BZW2: variants seen among roughly 807,000 people sequenced by gnomAD.
BZW2 encodes basic leucine zipper and W2 domains 2, also known as eIF5-mimic protein 1.
A neutral mutation model predicts 53.2 loss-of-function variants in BZW2; 23 were observed. The observed-to-expected ratio is 0.43, with a 90% CI of 0.31 to 0.61. BZW2 has a LOEUF of 0.61. Among genes scored for constraint, BZW2 ranks in the 20% least tolerant of loss-of-function variants. BZW2 has a pLI of 0.09. For synonymous variants in BZW2, 227 were observed against 186.4 expected, an observed-to-expected ratio of 1.22 and a Z score of -1.77; for missense variants, 409 against 503.1, an observed-to-expected ratio of 0.81 and a Z score of 1.79.
chr7:16,696,777 G>A, intron 8 of BZW2, 138 bp from the exon 9 acceptor site: 1 of 843,910 alleles, frequency 1.2e-6, no homozygotes, highest in East Asian at 2.5e-5. Context: ...TCCAGTCTGA[G>A]AATGCAGACA....
At position 16,674,574 on chromosome 7, in the gene BZW2, C is replaced by T; in HGVS notation, c.221C>T (p.Ala74Val). The change falls in exon 3 of 12, where the codon GCT becomes GTT. Residue 74 changes from alanine (A) to valine (V), a missense_variant. Physicochemically the swap from Ala to Val is moderately conservative, Grantham distance 64 (BLOSUM62 0). Coordinates refer to ENST00000258761, the MANE Select transcript of BZW2 (RefSeq NM_014038.3). The stretch of plus-strand genomic sequence containing the variant: ...GACACACTCTTCGATATCCTGGTGG[C>T]TGGCAGTATGCTTGGTAAACCATGC... ...YADTLFDILV[A>V]GSMLAPGGTR... 6.2e-7 allele frequency: 1 copy of T among 1,601,396 alleles called. No homozygotes were observed. The highest frequency in any genetic ancestry group is 1.1e-5 in the South Asian group (1 of 88,618).
intron 2 of BZW2, 127 bp from the exon 3 acceptor site, chr7:16,674,285 C>T: frequency 1.6e-6 from 1 of 626,602 alleles, no homozygotes; most frequent in Non-Finnish European, 2.6e-6. Flanking sequence ...TATTCTCGTA[C>T]ATTCTTTGGC....
intron 2 of BZW2, among the ~76,000 whole-genome samples, chr7:16,673,285 A>G (rs1311752367): frequency 6.6e-6 from 1 of 152,146 alleles, no homozygotes; most frequent in South Asian, 2.1e-4. Flanking sequence ...GCTACATAAT[A>G]TCTATATCCC....
At chr7:16,697,126 T>C in intron 9 of BZW2, 65 bp downstream of exon 9, 1 of 1,549,206 alleles carries the variant, frequency 6.5e-7, no homozygotes, top group East Asian at 2.3e-5. Context: ...TGTTTGTTTG[T>C]TTGTTTGTTT....
At chr7:16,656,097 A>G (rs1423885865) in intron 1 of BZW2, among the ~76,000 whole-genome samples, 1 of 150,000 alleles carries the variant, frequency 6.7e-6, no homozygotes, top group Non-Finnish European at 1.5e-5. Flanking sequence ...GTGTGTGTGT[A>G]TGTATATATA....
rs546657936 is a variant in BZW2 at position 16,660,333 on chromosome 7, G to A, written c.-7-5104G>A. Among the ~76,000 whole-genome samples the A allele has an allele frequency of 2.0e-5, 3 of 151,284 alleles. No homozygotes were observed. In the South Asian group the frequency reaches 6.3e-4, roughly 32 times the overall value. ...GAGGATCTTTTGAGCCCACGTGGTC[G>A]GGGCTGCAGTGAGCAGATATCACAC... On this transcript the variant is annotated intron_variant, in intron 1 of 11. Coordinates refer to ENST00000258761, the MANE Select transcript of BZW2 (RefSeq NM_014038.3).
intron 5 of BZW2, among the ~76,000 whole-genome samples, chr7:16,683,408 G>A (rs140053016): frequency 5.7e-4 from 87 of 152,312 alleles, no homozygotes; most frequent in Admixed American, 2.2e-3. Flanking sequence ...GCTTTGTTCA[G>A]TAAGAATAGT....
At chr7:16,654,006 G>C (rs1234761883) in intron 1 of BZW2, among the ~76,000 whole-genome samples, 1 of 144,626 alleles carries the variant, frequency 6.9e-6, no homozygotes, top group East Asian at 2.0e-4. Context: ...CATCGCTTTG[G>C]GTGGCCAAGG....
intron 7 of BZW2, among the ~76,000 whole-genome samples, chr7:16,691,514 C>T (rs1347467317): frequency 1.3e-5 from 2 of 152,174 alleles, no homozygotes; most frequent in Non-Finnish European, 2.9e-5. Flanking sequence ...CCATCTGGGC[C>T]ATTCTGTCTT....
chr7:16,666,419 T>TTATTTATC (rs745428931), intron 2 of BZW2, among the ~76,000 whole-genome samples: 4 of 151,022 alleles, frequency 2.6e-5, no homozygotes, highest in South Asian at 2.1e-4. Context: ...ATTTATTTAT[T>TTATTTATC]TAGAGACGGA....
intron 1 of BZW2, among the ~76,000 whole-genome samples, chr7:16,654,634 A>C (rs1782075640): frequency 6.6e-6 from 1 of 151,298 alleles, no homozygotes; most frequent in African/African-American, 2.4e-5. Flanking sequence ...TCCAGGGTTC[A>C]AGTGATTCTC....
rs376412401 is a variant in BZW2, at chr7:16,656,555, GCACACACA to G, written c.-7-8847_-7-8840del. ...ATCAAGCACTCCCCAGCGCGCGCGC[GCACACACA>G]CACACACACACACACACACACACAC... is the stretch of plus-strand genomic sequence containing the variant. On this transcript the variant is annotated intron_variant, in intron 1 of 11. Coordinates refer to ENST00000258761, the MANE Select transcript of BZW2 (RefSeq NM_014038.3). Among the ~76,000 whole-genome samples, 335 of 141,290 alleles carry G rather than the reference GCACACACA, an allele frequency of 2.4e-3. 1 individual carries two copies. Among genetic ancestry groups the G allele is most frequent in the African/African-American group, 3.9e-3 (148 of 37,880 alleles). The allele number at this position is 141,290 out of a possible 152,430, so 92.7% of individuals were successfully genotyped here.
chr7:16,704,448 A>G (rs909971676), intron 10 of BZW2, 99 bp from the exon 11 acceptor site: 3 of 1,230,590 alleles, frequency 2.4e-6, no homozygotes, highest in African/African-American at 3.0e-5. Context: ...AATGCTTTAT[A>G]TTTAAAATGA....
At position 16,674,557 on chromosome 7, in the gene BZW2, C is replaced by T. The variant is rs1562484858; in HGVS notation, c.204C>T (p.Leu68=). The change falls in exon 3 of 12, where the codon CTC becomes CTT. Residue 68 remains leucine (L), a synonymous_variant. Coordinates refer to ENST00000258761, the MANE Select transcript of BZW2 (RefSeq NM_014038.3). ...RLDYRRYADT[L]FDILVAGSML... ...ATTATCGTCGCTATGCAGACACACT[C>T]TTCGATATCCTGGTGGCTGGCAGTA... 1.2e-6 allele frequency: 2 copies of T among 1,605,846 alleles called. No homozygotes were observed. The highest frequency in any genetic ancestry group is 2.7e-5 in the African/African-American group (2 of 74,888).
At chr7:16,703,041 G>A (rs567941570) in intron 10 of BZW2, among the ~76,000 whole-genome samples, 4 of 152,214 alleles carry the variant, frequency 2.6e-5, no homozygotes, top group South Asian at 2.1e-4. Context: ...TCTCTGCAAG[G>A]CAGTCTTACA....
intron 7 of BZW2, 60 bp downstream of exon 7, chr7:16,689,966 G>T: frequency 7.7e-7 from 1 of 1,300,500 alleles, no homozygotes; most frequent in Non-Finnish European, 1.1e-6. Context: ...CTTAAGCAAT[G>T]CCTGCAATGT....
intron 1 of BZW2, among the ~76,000 whole-genome samples, chr7:16,655,861 G>A (rs78889889): frequency 0.067 from 10,120 of 152,048 alleles, 811 homozygotes; most frequent in East Asian, 0.3. Flanking sequence ...TTGCTCCAGG[G>A]TTCTATGTGT....
chr7:16,705,991 CTG>C, intron 11 of BZW2, 67 bp from the exon 12 acceptor site: 4 of 1,574,880 alleles, frequency 2.5e-6, no homozygotes, highest in Admixed American at 3.4e-5. Flanking sequence ...GGGTTGGTGA[CTG>C]TAGTAACTTT....
rs144761230 is a variant in BZW2 at position 16,681,387 on chromosome 7, A to G, written c.322A>G (p.Ile108Val). ...VFSANEDHET[I>V]RNYAQVFNKL... ...TTCAGCAAATGAAGATCATGAAACC[A>G]TCCGAAACTATGCTCAGGTAGAGCC... The change falls in exon 4 of 12, where the codon ATC becomes GTC. Residue 108 changes from isoleucine (I) to valine (V), a missense_variant. Ile to Val is a conservative substitution (Grantham distance 29). Coordinates refer to ENST00000258761, the MANE Select transcript of BZW2 (RefSeq NM_014038.3). 2.8e-4 allele frequency: 448 copies of G among 1,613,922 alleles called. No individual in the cohort carries two copies. In the African/African-American group the frequency reaches 5.3e-3, roughly 19 times the overall value.
Sources: allele counts gnomAD v4.1 joint callset (sites outside exome capture counted in the v4.1 genomes callset), GRCh38; gene constraint gnomAD v4.1.1; transcripts MANE v1.5; gene names NCBI Gene and HGNC (gene_info 2026-07-23, HGNC 2026-07-21).